Variants in FILIP1L observed in about 807,000 individuals in gnomAD.
FILIP1L encodes the protein filamin A interacting protein 1 like, also known as filamin A-interacting protein 1-like.
A neutral mutation model predicts 96.6 loss-of-function variants in FILIP1L; 55 were observed. The ratio of observed to expected loss-of-function variants is 0.57; its 90% CI spans 0.46 to 0.71. The LOEUF (loss-of-function observed/expected upper bound fraction) is 0.71, where lower values mean the gene tolerates loss of function less well. FILIP1L is among the 30% of genes least tolerant of loss of function. The pLI is 0.00. For synonymous variants in FILIP1L, 467 were observed against 473.9 expected, an observed-to-expected ratio of 0.99 and a Z score of 0.19; for missense variants, 1,304 against 1,321.2, an observed-to-expected ratio of 0.99 and a Z score of 0.20.
At chr3:99,937,512 A>G (rs1374297120) in intron 1 of FILIP1L, among the ~76,000 whole-genome samples, 1 of 152,250 alleles carries the variant, frequency 6.6e-6, no homozygotes, top group African/African-American at 2.4e-5. Context: ...CTGGTCTTAA[A>G]TCACAGCTCC....
chr3:99,985,016 G>T (rs2107740124), intron 1 of FILIP1L, among the ~76,000 whole-genome samples: 1 of 152,288 alleles, frequency 6.6e-6, no homozygotes, highest in African/African-American at 2.4e-5. Flanking sequence ...ACTTAAAGGG[G>T]TTGCCGTGAG....
At chr3:100,052,161 G>A (rs1207753947) in intron 1 of FILIP1L, among the ~76,000 whole-genome samples, 1 of 152,072 alleles carries the variant, frequency 6.6e-6, no homozygotes, top group Non-Finnish European at 1.5e-5. Context: ...ACCCCATGAT[G>A]CACACTTATA....
At chr3:99,977,617 A>AT (rs1167846485) in intron 1 of FILIP1L, among the ~76,000 whole-genome samples, 1 of 152,164 alleles carries the variant, frequency 6.6e-6, no homozygotes, top group Non-Finnish European at 1.5e-5. Flanking sequence ...AAATTAGTTG[A>AT]TTTTTTTAGT....
chr3:99,881,543 T>TG (rs1705728871), intron 4 of FILIP1L, among the ~76,000 whole-genome samples: 1 of 152,012 alleles, frequency 6.6e-6, no homozygotes, highest in South Asian at 2.1e-4. Context: ...CTCTCTTTTT[T>TG]TTTTTTTGAG....
At chr3:99,872,596 C>T (rs1026220671) in intron 4 of FILIP1L, among the ~76,000 whole-genome samples, 2 of 152,014 alleles carry the variant, frequency 1.3e-5, no homozygotes, top group East Asian at 3.9e-4. Flanking sequence ...ACACATCATT[C>T]CCCAAGCTTG....
chr3:100,109,397 T>C (rs1334494322), intron 1 of FILIP1L, among the ~76,000 whole-genome samples: 2 of 152,176 alleles, frequency 1.3e-5, no homozygotes, highest in Admixed American at 6.6e-5. Flanking sequence ...GACAAGCTCA[T>C]GCAATCATGT....
chr3:99,840,610 A>G (rs1434889517), intron 5 of FILIP1L, among the ~76,000 whole-genome samples: 2 of 152,212 alleles, frequency 1.3e-5, no homozygotes, highest in African/African-American at 4.8e-5. Flanking sequence ...TCTGGAGGAA[A>G]GAAACTCATG....
At chr3:99,993,124 G>A (rs1322840949) in intron 1 of FILIP1L, among the ~76,000 whole-genome samples, 1 of 151,952 alleles carries the variant, frequency 6.6e-6, no homozygotes, top group African/African-American at 2.4e-5. Flanking sequence ...TTTTGCTTAG[G>A]ATTTCTTTGG....
intron 1 of FILIP1L, among the ~76,000 whole-genome samples, chr3:100,024,418 A>G (rs1210304744): frequency 1.3e-5 from 2 of 152,074 alleles, no homozygotes; most frequent in African/African-American, 2.4e-5. Flanking sequence ...GATTTTTACA[A>G]ATTGTTTTCC....
chr3:99,966,886 C>T (rs115315083), intron 1 of FILIP1L, among the ~76,000 whole-genome samples: 1,774 of 152,262 alleles, frequency 0.012, 19 homozygotes, highest in African/African-American at 0.026. Context: ...GGCAGAACTC[C>T]GAGCAGCCTG....
At chr3:99,909,463 G>A (rs1706722974) in intron 4 of FILIP1L, among the ~76,000 whole-genome samples, 1 of 152,124 alleles carries the variant, frequency 6.6e-6, no homozygotes, top group Non-Finnish European at 1.5e-5. Context: ...GCCACCCCTT[G>A]TACAATAGTT....
chr3:100,039,953 CTG>C (rs1218073899), intron 1 of FILIP1L: 1 of 152,122 alleles, frequency 6.6e-6, no homozygotes, highest in African/African-American at 2.4e-5. Context: ...TGGGGTTTCA[CTG>C]TGTTAGCCAG....
intron 1 of FILIP1L, among the ~76,000 whole-genome samples, chr3:99,998,770 C>T (rs1382978487): frequency 6.6e-6 from 1 of 152,138 alleles, no homozygotes; most frequent in Non-Finnish European, 1.5e-5. Context: ...CGGGTTTCAC[C>T]GTATTAGCCA....
intron 1 of FILIP1L, among the ~76,000 whole-genome samples, chr3:100,101,025 A>G (rs2066295650): frequency 6.6e-6 from 1 of 152,184 alleles, no homozygotes; most frequent in Non-Finnish European, 1.5e-5. Flanking sequence ...GCATGCATGT[A>G]GGATAGCAGC....
intron 5 of FILIP1L, 131 bp downstream of exon 5, chr3:99,848,164 C>A: frequency 6.5e-7 from 1 of 1,531,424 alleles, no homozygotes; most frequent in Non-Finnish European, 8.8e-7. Flanking sequence ...CATGCACAAA[C>A]CTTCCCAAAG....
At chr3:100,068,357 TG>T (rs2065702385) in intron 1 of FILIP1L, among the ~76,000 whole-genome samples, 2 of 143,202 alleles carry the variant, frequency 1.4e-5, no homozygotes, top group African/African-American at 5.1e-5. Flanking sequence ...CCTCTGTGTG[TG>T]TGTGTGTGTG....
chr3:99,835,634 A>T (rs184013829), intron 5 of FILIP1L, among the ~76,000 whole-genome samples: 28 of 152,334 alleles, frequency 1.8e-4, no homozygotes, highest in African/African-American at 5.1e-4. Context: ...GCAAAGTCAT[A>T]TGTGATTCTG....
chr3:99,957,102 G>T (rs1708341809), intron 1 of FILIP1L, among the ~76,000 whole-genome samples: 1 of 152,094 alleles, frequency 6.6e-6, no homozygotes, highest in Non-Finnish European at 1.5e-5. Flanking sequence ...AAAAATACTT[G>T]TGTTTATGTT....
At chr3:99,891,915 A>G (rs1040495862) in intron 4 of FILIP1L, among the ~76,000 whole-genome samples, 2 of 152,222 alleles carry the variant, frequency 1.3e-5, no homozygotes, top group South Asian at 2.1e-4. Context: ...TAATAGAAGA[A>G]TCAGTCGGCT....
Sources: gnomAD v4.1 joint callset for allele counts (sites outside exome capture counted in the v4.1 genomes callset) on GRCh38, gnomAD v4.1.1 for gene constraint, MANE v1.5 for transcripts, NCBI Gene and HGNC (gene_info 2026-07-23, HGNC 2026-07-21) for gene names.